Variants in C3orf22 observed in about 807,000 individuals in gnomAD.
C3orf22 encodes the protein uncharacterized protein C3orf22.
In C3orf22, 7 loss-of-function variants were observed where a neutral mutation model predicts 10.8. The ratio of observed to expected loss-of-function variants is 0.65; its 90% CI spans 0.37 to 1.22. The LOEUF (loss-of-function observed/expected upper bound fraction) is 1.22. Ranked by LOEUF, C3orf22 falls within the 50% of genes most tolerant of loss-of-function variation. The probability of loss-of-function intolerance (pLI) is 0.02; values close to 1 mark genes in which losing one functional copy is unlikely to be tolerated. For missense variants in C3orf22, 173 were observed against 177.0 expected (o/e 0.98, Z 0.13); for synonymous variants, 79 against 78.9 (o/e 1.00, Z 0.00).
At chr3:126,557,381 C>A (rs549836964) in intron 1 of C3orf22, among the ~76,000 whole-genome samples, 1 of 152,236 alleles carries the variant, frequency 6.6e-6, no homozygotes, top group Non-Finnish European at 1.5e-5. Context: ...TGGAGAGGAG[C>A]CCCTGGGGAA....
intron 4 of C3orf22, among the ~76,000 whole-genome samples, chr3:126,544,117 A>G (rs149419614): frequency 6.6e-5 from 10 of 152,354 alleles, no homozygotes; most frequent in African/African-American, 2.2e-4. Flanking sequence ...TCACGGATCA[A>G]TTAATCCATT....
intron 4 of C3orf22, among the ~76,000 whole-genome samples, chr3:126,537,973 C>A (rs1452363953): frequency 3.9e-5 from 6 of 152,172 alleles, no homozygotes; most frequent in Admixed American, 1.3e-4. Context: ...AGGACAGGAG[C>A]TGTAGGTGCA....
At chr3:126,529,281 G>C (rs1936599386) in exon 5 of C3orf22, 1 of 1,273,968 alleles carries the variant, frequency 7.8e-7, no homozygotes, top group Admixed American at 2.3e-5. Flanking sequence ...GGTGTCCTGT[G>C]TGCAGCAATC....
At chr3:126,533,553 T>C (rs1350586212) in intron 4 of C3orf22, among the ~76,000 whole-genome samples, 1 of 152,250 alleles carries the variant, frequency 6.6e-6, no homozygotes, top group Non-Finnish European at 1.5e-5. Context: ...TTAGCCAATC[T>C]TGCATTCCTG....
chr3:126,533,245 C>G (rs1423021278), intron 4 of C3orf22, among the ~76,000 whole-genome samples: 1 of 152,140 alleles, frequency 6.6e-6, no homozygotes, highest in Non-Finnish European at 1.5e-5. Context: ...CCCAATTACC[C>G]TGGATAAAAC....
At chr3:126,539,988 G>GAC (rs368474448) in intron 4 of C3orf22, among the ~76,000 whole-genome samples, 52 of 72,992 alleles carry the variant, frequency 7.1e-4, no homozygotes, top group African/African-American at 2.5e-3. Context: ...ACACACGCAT[G>GAC]ACACACACAC....
chr3:126,529,931 AG>A (rs1936616883), intron 4 of C3orf22, among the ~76,000 whole-genome samples: 1 of 152,102 alleles, frequency 6.6e-6, no homozygotes, highest in South Asian at 2.1e-4. Context: ...TCCCCTTGGC[AG>A]GGGGTGGCAG....
downstream of C3orf22, chr3:126,549,420 A>T: frequency 5.0e-6 from 2 of 402,632 alleles, no homozygotes; most frequent in Non-Finnish European, 9.9e-6. Context: ...GCTGCCTAAG[A>T]TTTCCGGGAG....
chr3:126,534,386 CA>C (rs1255597169), intron 4 of C3orf22, among the ~76,000 whole-genome samples: 3 of 149,090 alleles, frequency 2.0e-5, no homozygotes, highest in African/African-American at 7.7e-5. Flanking sequence ...AGCAGTGCAG[CA>C]AGGAGACAGA....
downstream of C3orf22, among the ~76,000 whole-genome samples, chr3:126,548,407 T>C (rs1163017693): frequency 6.6e-6 from 1 of 152,108 alleles, no homozygotes; most frequent in East Asian, 1.9e-4. Context: ...GGGATAAGAG[T>C]GGGTCTCGTG....
At chr3:126,540,507 A>G (rs1437813723) in intron 4 of C3orf22, among the ~76,000 whole-genome samples, 1 of 152,170 alleles carries the variant, frequency 6.6e-6, no homozygotes, top group African/African-American at 2.4e-5. Context: ...TTGTGACTGT[A>G]CTATTCGCTT....
At chr3:126,527,473 G>A (rs1024196703) in exon 6 of C3orf22, 1 of 152,328 alleles carries the variant, frequency 6.6e-6, no homozygotes, top group Non-Finnish European at 1.5e-5. Context: ...CCCAAAGCTA[G>A]AGAGGGTTCC....
intron 4 of C3orf22, chr3:126,543,052 C>A (rs1937005908): frequency 6.6e-6 from 1 of 152,464 alleles, no homozygotes. Context: ...TGGCTGGCCT[C>A]ACGATGGGGC....
chr3:126,539,711 GCCACACACACCCCCCACA>G (rs935838569), intron 4 of C3orf22, among the ~76,000 whole-genome samples: 3 of 47,272 alleles, frequency 6.3e-5, no homozygotes, highest in African/African-American at 8.9e-5. Context: ...ACACACATAT[GCCACACACACCCCCCACA>G]CCACACACAC....
chr3:126,534,846 C>G (rs1271705857), intron 4 of C3orf22, among the ~76,000 whole-genome samples: 2 of 151,684 alleles, frequency 1.3e-5, no homozygotes, highest in Middle Eastern at 3.5e-3. Context: ...GAGAGCATCC[C>G]TGTCCTCAGC....
At position 126,553,449 on chromosome 3, in the gene C3orf22, C is replaced by T. The variant is rs372896841; in HGVS notation, c.-40-19G>A. The T allele has an allele frequency of 8.9e-4, 896 of 1,010,244 alleles. 5 individuals are homozygous for T. In the African/African-American group the frequency reaches 0.012, roughly 13 times the overall value. 62.6% of individuals were successfully genotyped at this position (1,010,244 alleles called of 1,614,324 possible). A position where few individuals can be genotyped will look rare whatever the true frequency, so the allele number is the denominator to read the frequency against. ...GCCATGGCTGGAAGACAAGAGGAGG[C>T]GTCAGAGGGGGCAGGGGTGGTGGGG... On this transcript the variant is annotated intron_variant, in intron 1 of 3. Transcript: ENST00000318225.
chr3:126,551,260 CT>C (rs965537976), intron 3 of C3orf22, among the ~76,000 whole-genome samples: 1 of 152,110 alleles, frequency 6.6e-6, no homozygotes, highest in African/African-American at 2.4e-5. Flanking sequence ...CCCCCTGCCC[CT>C]GACATTAACT....
At chr3:126,529,436 G>A in intron 4 of C3orf22, 1 of 1,262,114 alleles carries the variant, frequency 7.9e-7, no homozygotes, top group Non-Finnish European at 1.0e-6. Flanking sequence ...AGGGCAGCAT[G>A]GGTGTTAAGG....
downstream of C3orf22, among the ~76,000 whole-genome samples, chr3:126,548,766 G>A (rs141321939): frequency 3.5e-4 from 54 of 152,314 alleles, no homozygotes; most frequent in East Asian, 0.01. Context: ...CTTCGTGCAG[G>A]TTGGGAACCC....
Sources: allele counts gnomAD v4.1 joint callset (sites outside exome capture counted in the v4.1 genomes callset), GRCh38; gene constraint gnomAD v4.1.1; transcripts MANE v1.5; gene names NCBI Gene and HGNC (gene_info 2026-07-23, HGNC 2026-07-21).